Variants in DENND4C observed in about 807,000 individuals in gnomAD.
DENND4C encodes DENN domain containing 4C.
DENND4C carries 108 observed loss-of-function variants against 203.0 expected under a neutral mutation model. That is an observed-to-expected ratio of 0.53 (90% CI 0.46 to 0.62). The LOEUF (loss-of-function observed/expected upper bound fraction) is 0.62, where lower values mean the gene tolerates loss of function less well. DENND4C is among the 20% of genes least tolerant of loss of function. The pLI is 0.00. For synonymous variants in DENND4C, 871 were observed against 792.4 expected, an observed-to-expected ratio of 1.10 and a Z score of -1.67; for missense variants, 2,481 against 2,301.2, an observed-to-expected ratio of 1.08 and a Z score of -1.60.
rs1168727050 is a variant in DENND4C, at chr9:19,372,362, C to T, written c.*189C>T. On this transcript the variant is annotated 3_prime_UTR_variant, in exon 33 of 33. Transcript: ENST00000434457. ...AATATGAAGTGCCATTTGAATGTCC[C>T]AGGGCTTATTAATATTGAAGATTTT... The T allele has an allele frequency of 4.8e-6, 3 of 620,210 alleles. No homozygotes were observed. Among genetic ancestry groups the T allele is most frequent in the South Asian group, 8.1e-5 (2 of 24,806 alleles). 38.4% of individuals were successfully genotyped at this position (620,210 alleles called of 1,614,324 possible).
At position 19,370,007 on chromosome 9, in the gene DENND4C, T is replaced by A; in HGVS notation, c.5675+20T>A. 1 of 1,611,342 alleles carries A rather than the reference T, an allele frequency of 6.2e-7. No individual in the cohort carries two copies. Among genetic ancestry groups the A allele is most frequent in the Non-Finnish European group, 8.5e-7 (1 of 1,179,022 alleles). On this transcript the variant is annotated intron_variant, in intron 31 of 32. Coordinates refer to ENST00000434457, the MANE Select transcript of DENND4C (RefSeq NM_001330640.2). Reference sequence around the variant, plus strand: ...ACAAAGGTAATAATCCAGTATTTTTTGCTTGCCACCACTCAGTCATTTCAT... The same window carrying A: ...ACAAAGGTAATAATCCAGTATTTTTAGCTTGCCACCACTCAGTCATTTCAT...
chr9:19,342,816 TA>T, intron 22 of DENND4C, 37 bp downstream of exon 22: 2 of 1,496,588 alleles, frequency 1.3e-6, no homozygotes, highest in South Asian at 2.7e-5. Context: ...ATATTTAAAA[TA>T]TACTTTTATA....
At chr9:19,245,861 A>T (rs538855908) in intron 1 of DENND4C, among the ~76,000 whole-genome samples, 1 of 152,224 alleles carries the variant, frequency 6.6e-6, no homozygotes, top group African/African-American at 2.4e-5. Flanking sequence ...GTCTCAAAAA[A>T]AAAAAAAAAA....
intron 22 of DENND4C, among the ~76,000 whole-genome samples, chr9:19,344,297 C>T (rs1380543348): frequency 2.6e-5 from 4 of 152,188 alleles, no homozygotes; most frequent in Admixed American, 6.5e-5. Flanking sequence ...ATAACTCAGG[C>T]TGCTATACAG....
At chr9:19,257,495 A>T (rs1399154642) in intron 1 of DENND4C, among the ~76,000 whole-genome samples, 2 of 152,178 alleles carry the variant, frequency 1.3e-5, no homozygotes, top group African/African-American at 4.8e-5. Context: ...ACCTTAAAAA[A>T]CTTGAAAAAG....
chr9:19,326,189 G>C lies in DENND4C; in HGVS notation c.2115G>C (p.Lys705Asn). The C allele has an allele frequency of 6.2e-7, 1 of 1,606,484 alleles. No individual in the cohort carries two copies. The highest frequency in any genetic ancestry group is 8.5e-7 in the Non-Finnish European group (1 of 1,178,160). Reference protein sequence around the residue: ...PPDDGKDLSPKYSYKYFPRLD... With the variant: ...PPDDGKDLSPNYSYKYFPRLD... Reference sequence around the variant, plus strand: ...ATGATGGAAAGGACCTGTCACCAAAGTACAGGTAGTAGGAAGTTTTAAAAG... The same window carrying C: ...ATGATGGAAAGGACCTGTCACCAAACTACAGGTAGTAGGAAGTTTTAAAAG... The change falls in exon 15 of 33, where the codon AAG becomes AAC. Residue 705 changes from lysine (K) to asparagine (N), a missense_variant. Coordinates refer to ENST00000434457, the MANE Select transcript of DENND4C (RefSeq NM_001330640.2).
chr9:19,362,395 A>C (rs1188661539), intron 30 of DENND4C, among the ~76,000 whole-genome samples: 2 of 152,210 alleles, frequency 1.3e-5, no homozygotes, highest in African/African-American at 4.8e-5. Flanking sequence ...ATACTGTAGG[A>C]TATTGTTCTG....
chr9:19,249,430 A>G (rs932542901), intron 1 of DENND4C, among the ~76,000 whole-genome samples: 2 of 150,736 alleles, frequency 1.3e-5, no homozygotes, highest in African/African-American at 2.4e-5. Flanking sequence ...TTTTTTTTGT[A>G]TTTTTAGTAG....
Position 19,346,426 on chromosome 9 carries a change from C to A in DENND4C, c.3657C>A (p.Asp1219Glu). The A allele has an allele frequency of 1.9e-6, 3 of 1,614,088 alleles. No individual in the cohort carries two copies. Among genetic ancestry groups the A allele is most frequent in the Non-Finnish European group, 2.5e-6 (3 of 1,180,016 alleles). The change falls in exon 23 of 33, where the codon GAC becomes GAA. Residue 1219 changes from aspartate to glutamate, a missense_variant. Physicochemically the swap from Asp to Glu is conservative, Grantham distance 45 (BLOSUM62 2). Transcript: ENST00000434457. Reference protein sequence around the residue: ...LSDSNSNQSRDLKTVSKDLRN... With the variant: ...LSDSNSNQSRELKTVSKDLRN... The stretch of plus-strand genomic sequence containing the variant: ...ATAGTAACAGTAATCAGTCCAGAGA[C>A]TTGAAAACAGTATCCAAAGATCTGA...
chr9:19,322,241 A>T (rs561126932), intron 12 of DENND4C, among the ~76,000 whole-genome samples: 7 of 152,156 alleles, frequency 4.6e-5, no homozygotes, highest in Non-Finnish European at 1.0e-4. Context: ...TAGTTGTGGA[A>T]CTTTTTTTCC....
At chr9:19,263,800 C>A (rs1343308744) in intron 1 of DENND4C, among the ~76,000 whole-genome samples, 1 of 151,880 alleles carries the variant, frequency 6.6e-6, no homozygotes, top group East Asian at 1.9e-4. Context: ...GGACTACAGG[C>A]GCCCACCACC....
At chr9:19,321,475 T>TG (rs1331508959) in intron 12 of DENND4C, among the ~76,000 whole-genome samples, 17 of 152,124 alleles carry the variant, frequency 1.1e-4, no homozygotes, top group Non-Finnish European at 1.6e-4. Context: ...GAAGGTTTTT[T>TG]TTTTTGTTTT....
intron 1 of DENND4C, among the ~76,000 whole-genome samples, chr9:19,271,201 C>CTTTTTTTTTT (rs34513200): frequency 7.7e-6 from 1 of 129,082 alleles, no homozygotes; most frequent in African/African-American, 2.9e-5. Context: ...AATATGGATT[C>CTTTTTTTTTT]TTTTTTTTTT....
intron 1 of DENND4C, among the ~76,000 whole-genome samples, chr9:19,240,710 T>C (rs1424269829): frequency 6.7e-6 from 1 of 148,156 alleles, no homozygotes; most frequent in Non-Finnish European, 1.5e-5. Flanking sequence ...CTCACACCTG[T>C]AATCCCAGCA....
At chr9:19,362,031 T>C in intron 30 of DENND4C, 68 bp downstream of exon 30, 2 of 987,098 alleles carry the variant, frequency 2.0e-6, no homozygotes, top group East Asian at 2.6e-5. Context: ...GCCAGCACTT[T>C]GGGAGGCCTA....
At position 19,342,758 on chromosome 9, in the gene DENND4C, A is replaced by G. The variant is rs1221711821; in HGVS notation, c.3130A>G (p.Asn1044Asp). ...VKVPSGIFDVNSRKSSTGSIS... is the reference protein window; with the variant it reads ...VKVPSGIFDVDSRKSSTGSIS... ...AGTTCCGTCTGGTATATTTGATGTC[A>G]ACAGCAGGAAAAGTAGCACTGGTGA... The change falls in exon 22 of 33, where the codon AAC (asparagine) becomes GAC (aspartate). Residue 1044 changes from asparagine (N) to aspartate (D), a missense_variant. By Grantham distance (23) the Asn-to-Asp change is conservative. Coordinates refer to ENST00000434457, the MANE Select transcript of DENND4C (RefSeq NM_001330640.2). The G allele has an allele frequency of 2.5e-6, 4 of 1,605,646 alleles. No individual in the cohort carries two copies. Among genetic ancestry groups the G allele is most frequent in the Non-Finnish European group, 2.5e-6 (3 of 1,176,924 alleles).
At chr9:19,321,236 A>ATTGGTTC (rs1842826541) in intron 12 of DENND4C, among the ~76,000 whole-genome samples, 1 of 152,234 alleles carries the variant, frequency 6.6e-6, no homozygotes, top group Non-Finnish European at 1.5e-5. Context: ...AAGTTGTCAC[A>ATTGGTTC]TTGGTTCTAG....
chr9:19,319,428 A>G lies in DENND4C; in HGVS notation c.1807+2589A>G, dbSNP rs554049120. On this transcript the variant is annotated intron_variant, in intron 12 of 32. Coordinates refer to ENST00000434457, the MANE Select transcript of DENND4C (RefSeq NM_001330640.2). Reference sequence around the variant, plus strand: ...TACACACATATATATATACATATATATATACACACATATATATATACATAT... The same window carrying G: ...TACACACATATATATATACATATATGTATACACACATATATATATACATAT... Among the ~76,000 whole-genome samples, 7 of 145,968 alleles carry G rather than the reference A, an allele frequency of 4.8e-5. No homozygotes were observed. In the East Asian group the frequency reaches 7.9e-4, roughly 17 times the overall value.
chr9:19,246,424 T>G (rs34682180), intron 1 of DENND4C, among the ~76,000 whole-genome samples: 3 of 152,300 alleles, frequency 2.0e-5, no homozygotes, highest in South Asian at 2.1e-4. Context: ...CTCTTAGCTG[T>G]TTTTTAGAAA....
Sources: allele counts gnomAD v4.1 joint callset (sites outside exome capture counted in the v4.1 genomes callset), GRCh38; gene constraint gnomAD v4.1.1; transcripts MANE v1.5; gene names NCBI Gene and HGNC (gene_info 2026-07-23, HGNC 2026-07-21).